The following SAMMSON variants were observed in gnomAD, a reference collection of about 807,000 sequenced individuals.
SAMMSON encodes the protein survival associated mitochondrial melanoma specific oncogenic non-coding RNA, also known as long intergenic non-protein coding RNA 1212.
rs565507853 is a variant in SAMMSON at position 70,074,475 on chromosome 3, G to C, written n.507+2910G>C. On this transcript the variant is annotated intron_variant and non_coding_transcript_variant, in intron 4 of 9. Transcript: ENST00000642114. ...TTGTGAAATCAGTTGTACTGTATTA[G>C]AGACAAACCCTATGCAGGTGTGAAT... Among the ~76,000 whole-genome samples the C allele has an allele frequency of 2.6e-5, 4 of 152,204 alleles. No individual in the cohort carries two copies. In the East Asian group the frequency reaches 5.8e-4, roughly 22 times the overall value.
intron 4 of SAMMSON, among the ~76,000 whole-genome samples, chr3:70,218,346 T>C (rs1048820164): frequency 7.9e-5 from 12 of 152,154 alleles, no homozygotes; most frequent in Admixed American, 4.6e-4. Flanking sequence ...TATAGATGCA[T>C]ATAGGCATGC....
intron 6 of SAMMSON, among the ~76,000 whole-genome samples, chr3:70,289,290 A>G (rs1271278567): frequency 1.3e-5 from 2 of 151,522 alleles, no homozygotes; most frequent in African/African-American, 4.9e-5. Context: ...GCTTGTCTGT[A>G]AAGTATTTTA....
intron 7 of SAMMSON, among the ~76,000 whole-genome samples, chr3:70,332,090 T>C (rs1702625333): frequency 6.6e-6 from 1 of 152,206 alleles, no homozygotes; most frequent in Non-Finnish European, 1.5e-5. Flanking sequence ...TTCTCTTTCA[T>C]TGCACAAATA....
intron 6 of SAMMSON, among the ~76,000 whole-genome samples, chr3:70,261,524 C>T (rs1466507723): frequency 6.6e-6 from 1 of 152,180 alleles, no homozygotes; most frequent in East Asian, 1.9e-4. Context: ...TTTCAATTTC[C>T]GTGGTAATGA....
intron 9 of SAMMSON, among the ~76,000 whole-genome samples, chr3:70,372,531 C>T (rs1010859274): frequency 6.6e-6 from 1 of 152,028 alleles, no homozygotes. Flanking sequence ...AACTCCTGAC[C>T]GCAGATGATC....
At chr3:70,044,311 C>A (rs531231608) in intron 3 of SAMMSON, among the ~76,000 whole-genome samples, 1 of 151,712 alleles carries the variant, frequency 6.6e-6, no homozygotes, top group South Asian at 2.1e-4. Context: ...AAATATATTG[C>A]GCTTAGGGGG....
intron 4 of SAMMSON, among the ~76,000 whole-genome samples, chr3:70,112,697 T>G (rs1417584068): frequency 1.3e-5 from 2 of 152,116 alleles, no homozygotes; most frequent in Non-Finnish European, 2.9e-5. Flanking sequence ...CAAAATAAAT[T>G]GAAATATTTA....
At chr3:70,288,907 G>C (rs9824739) in intron 6 of SAMMSON, among the ~76,000 whole-genome samples, 8,063 of 151,316 alleles carry the variant, frequency 0.053, 549 homozygotes, top group East Asian at 0.36. Context: ...TTTTCCATTT[G>C]CTTGGTAGAT....
At chr3:70,423,335 G>C (rs1701327130) in intron 2 of SAMMSON, among the ~76,000 whole-genome samples, 1 of 152,072 alleles carries the variant, frequency 6.6e-6, no homozygotes, top group South Asian at 2.1e-4. Flanking sequence ...TTGTAAGAAT[G>C]GTCCCTTTCT....
At chr3:70,174,617 C>A (rs1011483464) in intron 4 of SAMMSON, among the ~76,000 whole-genome samples, 3 of 151,946 alleles carry the variant, frequency 2.0e-5, no homozygotes, top group Non-Finnish European at 4.4e-5. Flanking sequence ...GAAGAATTTT[C>A]AACTTTTCTC....
chr3:70,245,768 A>G (rs1004577235), intron 4 of SAMMSON, among the ~76,000 whole-genome samples: 7 of 144,610 alleles, frequency 4.8e-5, no homozygotes, highest in Non-Finnish European at 9.1e-5. Context: ...CTATTCTTCA[A>G]AAGGACATCA....
chr3:70,046,316 C>T (rs1016630404), intron 3 of SAMMSON, among the ~76,000 whole-genome samples: 1 of 151,966 alleles, frequency 6.6e-6, no homozygotes, highest in African/African-American at 2.4e-5. Flanking sequence ...CAGATCTTCC[C>T]GGTGAGCACT....
At chr3:70,381,286 A>G (rs805487) in intron 9 of SAMMSON, among the ~76,000 whole-genome samples, 83,337 of 151,956 alleles carry the variant, frequency 0.55, 23,074 homozygotes, top group East Asian at 0.61. Flanking sequence ...ATGAGGGAAA[A>G]TTCTTAAAGA....
At chr3:70,237,371 T>C (rs1701620023) in intron 4 of SAMMSON, among the ~76,000 whole-genome samples, 1 of 152,190 alleles carries the variant, frequency 6.6e-6, no homozygotes. Context: ...ATATGTGTGA[T>C]CTTTTAACCA....
At chr3:70,343,939 T>C (rs912582215) in intron 7 of SAMMSON, among the ~76,000 whole-genome samples, 1 of 150,918 alleles carries the variant, frequency 6.6e-6, no homozygotes, top group Admixed American at 6.6e-5. Flanking sequence ...TTATATTATT[T>C]TATTTTGTTG....
At chr3:70,320,545 T>TCC (rs1409734589) in intron 7 of SAMMSON, among the ~76,000 whole-genome samples, 2 of 152,038 alleles carry the variant, frequency 1.3e-5, no homozygotes, top group African/African-American at 4.8e-5. Flanking sequence ...TCATTTCAAG[T>TCC]CCCCTCTTTT....
intron 3 of SAMMSON, among the ~76,000 whole-genome samples, chr3:70,048,951 C>T (rs1576108309): frequency 6.6e-6 from 1 of 152,062 alleles, no homozygotes; most frequent in African/African-American, 2.4e-5. Flanking sequence ...GATAATTTTC[C>T]AATGAGGCAA....
chr3:70,182,664 A>G (rs914642807), intron 4 of SAMMSON, among the ~76,000 whole-genome samples: 9 of 152,142 alleles, frequency 5.9e-5, no homozygotes, highest in Non-Finnish European at 1.0e-4. Flanking sequence ...CTTTAGCCCA[A>G]TTTGGCTCAA....
chr3:70,192,142 C>T lies in SAMMSON; in HGVS notation n.508-56965C>T, dbSNP rs1276550477. Among the ~76,000 whole-genome samples, 11 of 152,256 alleles carry T rather than the reference C, an allele frequency of 7.2e-5. No homozygotes were observed. The South Asian group carries it at 1.5e-3, about 20-fold the overall frequency. On this transcript the variant is annotated intron_variant and non_coding_transcript_variant, in intron 4 of 9. Coordinates refer to ENST00000642114, the Ensembl canonical transcript of SAMMSON. ...CCATGACCAAGAAATGTCTCCATCT[C>T]GCCCTCCCACTTACCCCCTTTCCCC... is the stretch of plus-strand genomic sequence containing the variant.
Sources: gnomAD v4.1 joint callset for allele counts (sites outside exome capture counted in the v4.1 genomes callset) on GRCh38, gnomAD v4.1.1 for gene constraint, MANE v1.5 for transcripts, NCBI Gene and HGNC (gene_info 2026-07-23, HGNC 2026-07-21) for gene names.